OPCML: variants seen among roughly 807,000 people sequenced by gnomAD.
OPCML encodes opioid-binding protein/cell adhesion molecule.
OPCML carries 13 observed loss-of-function variants against 37.8 expected under a neutral mutation model. The ratio of observed to expected loss-of-function variants is 0.34; its 90% CI spans 0.22 to 0.55. The LOEUF is 0.55. Among genes scored for constraint, OPCML ranks in the 20% least tolerant of loss-of-function variants. The pLI, the probability that OPCML is intolerant of heterozygous loss-of-function variation, is 0.91. For synonymous variants in OPCML, 176 were observed against 168.8 expected, an observed-to-expected ratio of 1.04 and a Z score of -0.33; for missense variants, 341 against 435.6, an observed-to-expected ratio of 0.78 and a Z score of 1.93.
At chr11:133,024,940 A>G in intron 1 of OPCML, 1 of 985,428 alleles carries the variant, frequency 1.0e-6, no homozygotes, top group Non-Finnish European at 1.2e-6. Flanking sequence ...TGAATTCCTG[A>G]ACCAATGCGC....
At chr11:132,636,502 AT>A (rs1396540862) in intron 3 of OPCML, among the ~76,000 whole-genome samples, 2 of 152,214 alleles carry the variant, frequency 1.3e-5, no homozygotes. Context: ...AGGGAAGTGG[AT>A]CCATTGCACC....
intron 1 of OPCML, among the ~76,000 whole-genome samples, chr11:133,405,284 G>C (rs1460330228): frequency 2.6e-5 from 4 of 152,190 alleles, no homozygotes; most frequent in Admixed American, 6.5e-5. Flanking sequence ...CATTTTGACA[G>C]GGCGTCTGGG....
At chr11:133,419,066 G>C (rs1004048831) in intron 1 of OPCML, 7 of 195,120 alleles carry the variant, frequency 3.6e-5, no homozygotes, top group African/African-American at 1.4e-4. Context: ...AACTATCCTT[G>C]AGAAATCCTA....
chr11:132,758,411 C>T (rs1335408828), intron 2 of OPCML, among the ~76,000 whole-genome samples: 1 of 152,162 alleles, frequency 6.6e-6, no homozygotes. Flanking sequence ...GCCATTTTCA[C>T]AATATTGATT....
chr11:132,733,413 C>T (rs1276996665), intron 2 of OPCML, among the ~76,000 whole-genome samples: 1 of 151,940 alleles, frequency 6.6e-6, no homozygotes, highest in Non-Finnish European at 1.5e-5. Flanking sequence ...TATTTAGAAA[C>T]AGGGGGAAAT....
At chr11:132,422,713 A>T (rs967485345) in intron 7 of OPCML, among the ~76,000 whole-genome samples, 1 of 152,222 alleles carries the variant, frequency 6.6e-6, no homozygotes, top group African/African-American at 2.4e-5. Flanking sequence ...GCAGTTAGAC[A>T]TCTTAGCTAT....
At chr11:132,907,836 C>T (rs558971168) in intron 2 of OPCML, among the ~76,000 whole-genome samples, 7 of 152,220 alleles carry the variant, frequency 4.6e-5, no homozygotes, top group East Asian at 1.9e-4. Flanking sequence ...GTAGTTTACA[C>T]GGTTTCCTTC....
At chr11:132,459,791 T>G (rs944830206) in intron 4 of OPCML, among the ~76,000 whole-genome samples, 14 of 152,084 alleles carry the variant, frequency 9.2e-5, no homozygotes, top group African/African-American at 3.4e-4. Context: ...ATCAGAAATG[T>G]CTTTAGGCAC....
chr11:133,268,663 G>A (rs1410946413), intron 1 of OPCML, among the ~76,000 whole-genome samples: 2 of 152,110 alleles, frequency 1.3e-5, no homozygotes, highest in Non-Finnish European at 1.5e-5. Flanking sequence ...AACAATTTAA[G>A]GTAATGCATA....
chr11:133,308,533 A>T (rs114263780), intron 1 of OPCML, among the ~76,000 whole-genome samples: 174 of 152,196 alleles, frequency 1.1e-3, no homozygotes, highest in African/African-American at 3.9e-3. Flanking sequence ...TATACTGCAG[A>T]TATATGGAAA....
chr11:133,319,630 G>A (rs370336248), intron 1 of OPCML, among the ~76,000 whole-genome samples: 6 of 152,004 alleles, frequency 3.9e-5, no homozygotes, highest in African/African-American at 1.2e-4. Flanking sequence ...CTCTCCTCTC[G>A]GCCCTCGTCT....
At chr11:133,067,521 C>T (rs949526907) in intron 1 of OPCML, 1 of 152,202 alleles carries the variant, frequency 6.6e-6, no homozygotes, top group Non-Finnish European at 1.5e-5. Context: ...ATCAACTCCT[C>T]CTTCAAGGGG....
rs375391406 is a variant in OPCML, at chr11:132,596,107, T to C, written c.379+60980A>G. ...ACCTCCCAGAGATTGGATTTTCACA[T>C]ACATGACATAATCATGTCATGTCCA... On this transcript the variant is annotated intron_variant, in intron 3 of 7. Transcript: ENST00000524381. 9.8e-5 allele frequency among the ~76,000 whole-genome samples: 15 copies of C among 152,316 alleles called. No individual in the cohort carries two copies. The East Asian group carries it at 1.7e-3, about 18-fold the overall frequency.
intron 2 of OPCML, among the ~76,000 whole-genome samples, chr11:132,661,859 A>G (rs1368588597): frequency 6.6e-6 from 1 of 152,216 alleles, no homozygotes; most frequent in African/African-American, 2.4e-5. Context: ...TGTTCTATTA[A>G]TATTATATCC....
chr11:133,295,216 G>A (rs533807924), intron 1 of OPCML, among the ~76,000 whole-genome samples: 13 of 152,270 alleles, frequency 8.5e-5, no homozygotes, highest in African/African-American at 2.9e-4. Flanking sequence ...AGAACGTCTA[G>A]TTAATGCATA....
chr11:133,339,457 G>A (rs1943814702), intron 1 of OPCML, among the ~76,000 whole-genome samples: 1 of 152,146 alleles, frequency 6.6e-6, no homozygotes, highest in Non-Finnish European at 1.5e-5. Context: ...GCTGCCCACT[G>A]TTTCCCCCAA....
intron 1 of OPCML, among the ~76,000 whole-genome samples, chr11:133,511,313 T>C (rs1394268016): frequency 6.6e-6 from 1 of 152,174 alleles, no homozygotes; most frequent in African/African-American, 2.4e-5. Context: ...CTGCTACTCC[T>C]CTGCTAAAAA....
chr11:133,052,999 G>A (rs1473890251), intron 1 of OPCML, among the ~76,000 whole-genome samples: 1 of 152,194 alleles, frequency 6.6e-6, no homozygotes, highest in Non-Finnish European at 1.5e-5. Context: ...TTTTGAGGTG[G>A]TATTCTATTC....
At chr11:133,276,724 C>G (rs1480512720) in intron 1 of OPCML, among the ~76,000 whole-genome samples, 3 of 152,164 alleles carry the variant, frequency 2.0e-5, no homozygotes, top group Admixed American at 2.0e-4. Flanking sequence ...TCATCTTCTT[C>G]TTGAAATGCA....
Sources: allele counts gnomAD v4.1 joint callset (sites outside exome capture counted in the v4.1 genomes callset), GRCh38; gene constraint gnomAD v4.1.1; transcripts MANE v1.5; gene names NCBI Gene and HGNC (gene_info 2026-07-23, HGNC 2026-07-21).